KIF7: variants seen among roughly 807,000 people sequenced by gnomAD.
KIF7 encodes the protein kinesin-like protein KIF7.
KIF7 carries 104 observed loss-of-function variants against 135.7 expected under a neutral mutation model. The ratio of observed to expected loss-of-function variants is 0.77; its 90% CI spans 0.65 to 0.90. The LOEUF is 0.90. Ranked by LOEUF, KIF7 falls within the 40% of genes least tolerant of loss-of-function variation. The pLI, the probability that KIF7 is intolerant of heterozygous loss-of-function variation, is 0.00. For synonymous variants in KIF7, 883 were observed against 809.4 expected, an observed-to-expected ratio of 1.09 and a Z score of -1.54; for missense variants, 2,005 against 1,839.1, an observed-to-expected ratio of 1.09 and a Z score of -1.65.
upstream of KIF7, among the ~76,000 whole-genome samples, chr15:89,655,778 C>T (rs1421706212): frequency 6.6e-6 from 1 of 152,234 alleles, no homozygotes; most frequent in East Asian, 1.9e-4. Context: ...GCACGCCACT[C>T]ACACAGCCGG....
the KIF7 span, among the ~76,000 whole-genome samples, chr15:89,661,400 A>G: frequency 6.6e-6 from 1 of 152,226 alleles, no homozygotes; most frequent in Admixed American, 6.5e-5. Context: ...ATCTATAAAG[A>G]AAAGCAAGGG....
intron 11 of KIF7, 145 bp downstream of exon 11, chr15:89,642,058 C>A (rs1963931558): frequency 1.2e-6 from 1 of 839,082 alleles, no homozygotes; most frequent in East Asian, 2.7e-5. Flanking sequence ...AGCTTCTATA[C>A]CAGCCTCACC....
At position 89,645,385 on chromosome 15, in the gene KIF7, G is replaced by C. The variant is rs374035787; in HGVS notation, c.1989C>G (p.Gly663=). ...ARPGSLPERK[G]PELCLEELDA... ...CCAACTCCTCAAGGCAAAGCTCTGG[G>C]CCCTTCCTCTCTGGCAGACTCCCTG... Residue 663 remains glycine (G), a synonymous_variant, in exon 9 of 19, where the codon GGC becomes GGG. Coordinates refer to ENST00000394412, the MANE Select transcript of KIF7 (RefSeq NM_198525.3). 9.9e-6 allele frequency: 16 copies of C among 1,613,980 alleles called. No homozygotes were observed. The highest frequency in any genetic ancestry group is 2.2e-5 in the South Asian group (2 of 91,086).
chr15:89,633,195 C>A lies in KIF7; in HGVS notation c.2664G>T (p.Gln888His). The A allele has an allele frequency of 6.2e-7, 1 of 1,605,026 alleles. No homozygotes were observed. The highest frequency in any genetic ancestry group is 8.5e-7 in the Non-Finnish European group (1 of 1,178,602). Residue 888 changes from glutamine to histidine, a missense_variant, in exon 13 of 19, where the codon CAG becomes CAT. By Grantham distance (24) the Gln-to-His change is conservative. Transcript: ENST00000394412. ...KIKTEEIAAF[Q>H]RKRRSGSNGS... ...CGTTGCTGCCACTGCGCCTCTTCCT[C>A]TGGAATGCCGCGATCTCTTCCGTCT... is the stretch of plus-strand genomic sequence containing the variant.
At chr15:89,623,919 G>A (rs750586437), downstream of KIF7, 39 of 1,613,948 alleles carry the variant, frequency 2.4e-5, no homozygotes, top group East Asian at 2.7e-4. Context: ...GTACTCAGCC[G>A]CCTGGGTTTT....
downstream of KIF7, chr15:89,624,249 C>T (rs760686772): frequency 2.8e-5 from 45 of 1,614,074 alleles, 1 homozygote; most frequent in South Asian, 2.5e-4. Flanking sequence ...AACTGTTTAC[C>T]TCTCCTTTAT....
At chr15:89,644,983 T>G (rs1963984883) in intron 10 of KIF7, 30 bp downstream of exon 10, 1 of 1,605,326 alleles carries the variant, frequency 6.2e-7, no homozygotes, top group Admixed American at 1.7e-5. Context: ...CCCCCTCGGG[T>G]GAGAGGCCCA....
At chr15:89,624,138 G>A (rs144974643), downstream of KIF7, 156 of 1,613,750 alleles carry the variant, frequency 9.7e-5, no homozygotes, top group African/African-American at 2.0e-3. Context: ...GAGCTGCTCG[G>A]GCAGAGGAAC....
chr15:89,636,618 A>G (rs1963813632), intron 11 of KIF7, among the ~76,000 whole-genome samples: 1 of 94,050 alleles, frequency 1.1e-5, no homozygotes, highest in South Asian at 3.9e-4. Flanking sequence ...CAATTCAACA[A>G]GAAGAGCTAA....
chr15:89,628,406 C>G lies in KIF7; in HGVS notation c.*13G>C. 6.3e-7 allele frequency: 1 copy of G among 1,597,254 alleles called. No homozygotes were observed. Among genetic ancestry groups the G allele is most frequent in the Non-Finnish European group, 8.5e-7 (1 of 1,172,060 alleles). On this transcript the variant is annotated 3_prime_UTR_variant, in exon 19 of 19. Transcript: ENST00000394412. ...TCGGAGTCTCCCTCCAAGGCAGGGTCTGCCCCGAGGGCTTACAGGGGGTTT... is the reference window on the plus strand; with the variant it reads ...TCGGAGTCTCCCTCCAAGGCAGGGTGTGCCCCGAGGGCTTACAGGGGGTTT...
intron 10 of KIF7, among the ~76,000 whole-genome samples, chr15:89,643,835 A>G (rs893518433): frequency 6.6e-6 from 1 of 151,702 alleles, no homozygotes; most frequent in African/African-American, 2.4e-5. Context: ...CAGTGAGCCA[A>G]CATCGTGCCA....
chr15:89,645,273 G>T, intron 9 of KIF7, 63 bp downstream of exon 9: 1 of 1,597,534 alleles, frequency 6.3e-7, no homozygotes, highest in Non-Finnish European at 8.6e-7. Flanking sequence ...TCCCAAGGTG[G>T]CTGGCCCAGA....
At chr15:89,626,631 A>G (rs1164540121), downstream of KIF7, among the ~76,000 whole-genome samples, 1 of 152,178 alleles carries the variant, frequency 6.6e-6, no homozygotes, top group African/African-American at 2.4e-5. Flanking sequence ...AGTTCCCTCA[A>G]GACCATGATA....
At position 89,649,782 on chromosome 15, in the gene KIF7, C is replaced by G; in HGVS notation, c.488G>C (p.Ser163Thr). Residue 163 changes from serine (S) to threonine (T), a missense_variant, in exon 3 of 19, where the codon AGC becomes ACC. Physicochemically the swap from Ser to Thr is moderately conservative, Grantham distance 58. Coordinates refer to ENST00000394412, the MANE Select transcript of KIF7 (RefSeq NM_198525.3). ...FRDLLEVGTA[S>T]RDIQLREDER... ...ATCTTCCCGGAGCTGGATGTCACGG[C>G]TGGCAGTGCCCACCTCGAGCAGGTC... 9 of 1,551,876 alleles carry G rather than the reference C, an allele frequency of 5.8e-6. No homozygotes were observed. The highest frequency in any genetic ancestry group is 7.0e-6 in the Non-Finnish European group (8 of 1,147,026).
At chr15:89,656,672 G>A (rs1964210499), upstream of KIF7, among the ~76,000 whole-genome samples, 1 of 152,192 alleles carries the variant, frequency 6.6e-6, no homozygotes, top group South Asian at 2.1e-4. Flanking sequence ...AAAGGACCAT[G>A]ATTCAGGTAC....
intron 15 of KIF7, 115 bp downstream of exon 15, chr15:89,631,380 G>C (rs1345006880): frequency 1.1e-6 from 1 of 915,276 alleles, no homozygotes; most frequent in Non-Finnish European, 1.6e-6. Context: ...GTGAAAACTT[G>C]GGTCTGCCGA....
upstream of KIF7, among the ~76,000 whole-genome samples, chr15:89,659,787 T>A (rs1029752044): frequency 2.0e-5 from 3 of 152,242 alleles, no homozygotes; most frequent in Admixed American, 6.5e-5. Context: ...AATGGCAATT[T>A]GTCAATATCT....
At position 89,633,405 on chromosome 15, in the gene KIF7, C is replaced by T. The variant is rs142897008; in HGVS notation, c.2593-139G>A. The T allele has an allele frequency of 2.5e-5, 30 of 1,184,670 alleles. No individual in the cohort carries two copies. In the East Asian group the frequency reaches 7.4e-4, roughly 29 times the overall value. 73.4% of individuals were successfully genotyped at this position (1,184,670 alleles called of 1,614,324 possible). A position where few individuals can be genotyped will look rare whatever the true frequency, so the allele number is the denominator to read the frequency against. ...AAGTGTCCCCCAGACCCATCCCACA[C>T]AAATCTCCCTGGAGACCGGCAAATA... On this transcript the variant is annotated intron_variant, in intron 12 of 18. Coordinates refer to ENST00000394412, the MANE Select transcript of KIF7 (RefSeq NM_198525.3).
chr15:89,648,566 G>T lies in KIF7; in HGVS notation c.1132C>A (p.His378Asn). ...TGGATGATGCGGGTCTCGGAGCGGT[G>T]CCGTGGCGGACCCCGCGCGCCGCTC... ...TASGARGPPR[H>N]RSETRIIHRG... is the part of the protein sequence containing the mutation. The change falls in exon 5 of 19, where the codon CAC becomes AAC. Residue 378 changes from histidine (H) to asparagine (N), a missense_variant. His to Asn is a moderately conservative substitution (Grantham distance 68). Transcript: ENST00000394412. 6.8e-7 allele frequency: 1 copy of T among 1,473,434 alleles called. No individual in the cohort carries two copies. The highest frequency in any genetic ancestry group is 2.7e-5 in the East Asian group (1 of 37,020). 91.3% of individuals were successfully genotyped at this position (1,473,434 alleles called of 1,614,324 possible).
Sources: allele counts gnomAD v4.1 joint callset (sites outside exome capture counted in the v4.1 genomes callset), GRCh38; gene constraint gnomAD v4.1.1; transcripts MANE v1.5; gene names NCBI Gene and HGNC (gene_info 2026-07-23, HGNC 2026-07-21).